Variants in SPEN observed in about 807,000 individuals in gnomAD.
The protein encoded by SPEN is spen family transcriptional repressor.
In SPEN, 18 loss-of-function variants were observed where a neutral mutation model predicts 269.9. The ratio of observed to expected loss-of-function variants is 0.07; its 90% CI spans 0.05 to 0.10. The LOEUF (loss-of-function observed/expected upper bound fraction) is 0.10. Ranked by LOEUF, SPEN falls within the 10% of genes least tolerant of loss-of-function variation. SPEN has a pLI of 1.00. For missense variants in SPEN, 3,822 were observed against 4,631.2 expected (o/e 0.83, Z 5.07); for synonymous variants, 1,726 against 1,765.7 (o/e 0.98, Z 0.56).
chr1:15,891,801 C>T (rs1238064848), intron 3 of SPEN, among the ~76,000 whole-genome samples: 1 of 150,710 alleles, frequency 6.6e-6, no homozygotes, highest in Non-Finnish European at 1.5e-5. Flanking sequence ...AATATAAAAA[C>T]CATTAAGAAA....
At position 15,935,716 on chromosome 1, in the gene SPEN, A is replaced by G. The variant is rs2071267926; in HGVS notation, c.9476A>G (p.Glu3159Gly). The part of the protein sequence containing the change: ...ALASQHPPEE[E>G]VHYHLPVARA... ...GCCTCCCAGCACCCTCCCGAGGAGG[A>G]AGTGCATTATCACCTTCCTGTCGCT... The change falls in exon 11 of 15, where the codon GAA becomes GGA. Residue 3159 changes from glutamate (E) to glycine (G), a missense_variant. Glu to Gly is a moderately conservative substitution (Grantham distance 98). Around this residue, in one of 16 missense-constraint regions of SPEN, gnomAD observed 153 missense variants for 228.5 expected, o/e 0.67. Transcript: ENST00000375759. The surrounding 1 kb of genome is among the most constrained non-coding windows in gnomAD (Gnocchi z 7.7). 1 of 1,613,208 alleles carries G rather than the reference A, an allele frequency of 6.2e-7. No homozygotes were observed. The highest frequency in any genetic ancestry group is 1.1e-5 in the South Asian group (1 of 91,056).
intron 1 of SPEN, among the ~76,000 whole-genome samples, chr1:15,860,157 C>T (rs991696767): frequency 5.3e-5 from 8 of 151,688 alleles, no homozygotes; most frequent in South Asian, 4.2e-4. Context: ...GTGATCCGCC[C>T]GCCTCGGCCT....
rs1044226392 is a variant in SPEN at position 15,939,147 on chromosome 1, T to C, written c.10864-149T>C. The C allele has an allele frequency of 6.9e-6, 8 of 1,161,158 alleles. No individual in the cohort carries two copies. The African/African-American group carries it at 1.3e-4, about 18-fold the overall frequency. The allele number at this position is 1,161,158 out of a possible 1,614,324, so 71.9% of individuals were successfully genotyped here. On this transcript the variant is annotated intron_variant, in intron 14 of 14. Coordinates refer to ENST00000375759, the MANE Select transcript of SPEN (RefSeq NM_015001.3). This position sits in a 1 kb window ranked among gnomAD's most constrained non-coding sequence, Gnocchi z 4.1. ...ATAGTTTTCTGACACCTGCTAGGTC[T>C]TCCAGTAGACATAGTCCTGGCACAT...
chr1:15,872,599 CAAA>C (rs78554897), intron 1 of SPEN, among the ~76,000 whole-genome samples: 3 of 92,548 alleles, frequency 3.2e-5, no homozygotes, highest in Non-Finnish European at 4.2e-5. Context: ...GACTCCATCT[CAAA>C]AAAAAAAAAA....
chr1:15,934,427 G>GAGTGCAGTGAATGCCACAGCA lies in SPEN; in HGVS notation c.8198_8218dup (p.Asn2733_Val2739dup), dbSNP rs777677761. On this transcript the variant is annotated inframe_insertion, in exon 11 of 15. Coordinates refer to ENST00000375759, the MANE Select transcript of SPEN (RefSeq NM_015001.3). This position sits in a 1 kb window ranked among gnomAD's most constrained non-coding sequence, Gnocchi z 9.2. ...CCCCAGGCACAGTCAATGCCGCTGC[G>GAGTGCAGTGAATGCCACAGCA]AGTGCAGTGAATGCCACAGCAAGTG... is the stretch of plus-strand genomic sequence containing the variant. 6.2e-7 allele frequency: 1 copy of GAGTGCAGTGAATGCCACAGCA among 1,613,914 alleles called. No individual in the cohort carries two copies. Among genetic ancestry groups the GAGTGCAGTGAATGCCACAGCA allele is most frequent in the South Asian group, 1.1e-5 (1 of 91,086 alleles).
Position 15,934,802 on chromosome 1 carries a change from C to T in SPEN, c.8562C>T (p.Ser2854=), listed in dbSNP as rs1386901105. ...AATTTCAGCAGTCAGTGTCCAAGTC[C>T]CAGGTCAAACCTGATTCTGTCACAG... The part of the protein sequence containing the change: ...DIEFQQSVSK[S]QVKPDSVTAS... Residue 2854 remains serine (S), a synonymous_variant, in exon 11 of 15, where the codon TCC becomes TCT. Coordinates refer to ENST00000375759, the MANE Select transcript of SPEN (RefSeq NM_015001.3). The surrounding 1 kb of genome is among the most constrained non-coding windows in gnomAD (Gnocchi z 9.2). 1.2e-6 allele frequency: 2 copies of T among 1,614,066 alleles called. No individual in the cohort carries two copies. Among genetic ancestry groups the T allele is most frequent in the Non-Finnish European group, 1.7e-6 (2 of 1,180,032 alleles).
rs188682612 is a variant in SPEN at position 15,893,377 on chromosome 1, G to A, written c.882-15944G>A. Among the ~76,000 whole-genome samples the A allele has an allele frequency of 5.6e-4, 86 of 152,286 alleles. 1 individual carries two copies. The highest frequency in any genetic ancestry group is 3.7e-4 in the Non-Finnish European group (25 of 68,018). On this transcript the variant is annotated intron_variant, in intron 3 of 14. Coordinates refer to ENST00000375759, the MANE Select transcript of SPEN (RefSeq NM_015001.3). ...AGCTTCCTGAATATGCTGTGTCATG[G>A]TGTGTGGAGCCATCTTGGACTGTAG...
In SPEN at chr1:15,919,060, A is replaced by G. The variant is rs1459707125; in HGVS notation, c.1521+9A>G. 6 of 1,603,770 alleles carry G rather than the reference A, an allele frequency of 3.7e-6. No homozygotes were observed. In the East Asian group the frequency reaches 9.0e-5, roughly 24 times the overall value. ...GAAATAATCGCCTCAAGGTAAATGA[A>G]TTTGCATAAATTATTGTGCTGTTAT... is the stretch of plus-strand genomic sequence containing the variant. On this transcript the variant is annotated intron_variant, in intron 7 of 14. Coordinates refer to ENST00000375759, the MANE Select transcript of SPEN (RefSeq NM_015001.3).
chr1:15,933,510 A>C lies in SPEN; in HGVS notation c.7270A>C (p.Lys2424Gln). The C allele has an allele frequency of 5.6e-6, 9 of 1,614,006 alleles. No individual in the cohort carries two copies. Among genetic ancestry groups the C allele is most frequent in the Non-Finnish European group, 7.6e-6 (9 of 1,179,956 alleles). ...CAGTGTTGAGGAAAGGACTCCAACC[A>C]AAGCATCTGTGCCCCCAGACCTTCC... is the stretch of plus-strand genomic sequence containing the variant. The part of the protein sequence containing the change: ...EISVEERTPT[K>Q]ASVPPDLPPP... Residue 2424 changes from lysine (K) to glutamine (Q), a missense_variant, in exon 11 of 15, where the codon AAA becomes CAA. Transcript: ENST00000375759. This position sits in a 1 kb window ranked among gnomAD's most constrained non-coding sequence, Gnocchi z 5.7.
chr1:15,884,739 CTTT>C (rs33965389), intron 3 of SPEN, among the ~76,000 whole-genome samples: 1 of 145,760 alleles, frequency 6.9e-6, no homozygotes, highest in Admixed American at 6.9e-5. Flanking sequence ...CTTTTTCTTT[CTTT>C]TTTTTTTTTA....
chr1:15,901,048 T>TA lies in SPEN; in HGVS notation c.882-8263dup, dbSNP rs1017104373. On this transcript the variant is annotated intron_variant, in intron 3 of 14. Coordinates refer to ENST00000375759, the MANE Select transcript of SPEN (RefSeq NM_015001.3). ...ATTATTTCCTTGTTATTTTTTGGAG[T>TA]AAAAAAAAAATAGAGGCTTGAGTCA... is the stretch of plus-strand genomic sequence containing the variant. 1.3e-4 allele frequency among the ~76,000 whole-genome samples: 19 copies of TA among 146,934 alleles called. 1 individual carries two copies. The highest frequency in any genetic ancestry group is 4.2e-4 in the African/African-American group (17 of 40,008).
At chr1:15,889,070 C>T (rs2070764937) in intron 3 of SPEN, among the ~76,000 whole-genome samples, 1 of 151,886 alleles carries the variant, frequency 6.6e-6, no homozygotes, top group Admixed American at 6.6e-5. Context: ...TACCTTGCCC[C>T]AAACAAGGAA....
intron 3 of SPEN, among the ~76,000 whole-genome samples, chr1:15,907,359 G>A (rs2070969233): frequency 1.3e-5 from 2 of 152,012 alleles, no homozygotes; most frequent in South Asian, 4.1e-4. Context: ...GTGCGTGCCT[G>A]TAATCCCAGC....
At chr1:15,872,408 C>T (rs920945011) in intron 1 of SPEN, among the ~76,000 whole-genome samples, 3 of 151,754 alleles carry the variant, frequency 2.0e-5, no homozygotes, top group East Asian at 1.9e-4. Context: ...CTGGCTAACA[C>T]GGTGAAACCC....
At position 15,873,355 on chromosome 1, in the gene SPEN, T is replaced by G. The variant is rs1266764012; in HGVS notation, c.404+219T>G. On this transcript the variant is annotated intron_variant, in intron 2 of 14. Transcript: ENST00000375759. Reference sequence around the variant, plus strand: ...TGATTGGATATCTGTTCCTGAGATATAATGTGATGGAAGATTTCCTATGGA... The same window carrying G: ...TGATTGGATATCTGTTCCTGAGATAGAATGTGATGGAAGATTTCCTATGGA... The G allele has an allele frequency of 3.2e-6, 4 of 1,249,144 alleles. No homozygotes were observed. The East Asian group carries it at 1.2e-4, about 39-fold the overall frequency. 77.4% of individuals were successfully genotyped at this position (1,249,144 alleles called of 1,614,324 possible).
intron 2 of SPEN, among the ~76,000 whole-genome samples, chr1:15,875,987 A>G (rs980567241): frequency 6.6e-6 from 1 of 152,248 alleles, no homozygotes; most frequent in Non-Finnish European, 1.5e-5. Context: ...AGCCCAATAT[A>G]CAATGAAAAC....
chr1:15,936,317 G>C, intron 11 of SPEN, 51 bp downstream of exon 11: 1 of 1,490,870 alleles, frequency 6.7e-7, no homozygotes, highest in Admixed American at 2.3e-5. Context: ...TGCTTGTGGG[G>C]CTCAGCAGGC....
In SPEN at chr1:15,931,990, G is replaced by A. The variant is rs780910569; in HGVS notation, c.5750G>A (p.Arg1917His). Residue 1917 changes from arginine (R) to histidine (H), a missense_variant, in exon 11 of 15, where the codon CGC (arginine) becomes CAC (histidine). By Grantham distance (29) the Arg-to-His change is conservative. Transcript: ENST00000375759. The surrounding 1 kb of genome is among the most constrained non-coding windows in gnomAD (Gnocchi z 4.8). ...VYATMGDHENRSPVKEPVEQP... is the reference protein window; with the variant it reads ...VYATMGDHENHSPVKEPVEQP... ...GCAACCATGGGTGACCATGAAAACC[G>A]CTCTCCTGTCAAAGAGCCCGTTGAG... 21 of 1,614,190 alleles carry A rather than the reference G, an allele frequency of 1.3e-5. No individual in the cohort carries two copies. In the Admixed American group the frequency reaches 1.7e-4, roughly 13 times the overall value.
At chr1:15,903,693 A>C (rs2070924989) in intron 3 of SPEN, among the ~76,000 whole-genome samples, 1 of 152,020 alleles carries the variant, frequency 6.6e-6, no homozygotes, top group African/African-American at 2.4e-5. Context: ...GGGTCTTGCC[A>C]TGTCATGTGC....
Sources: gnomAD v4.1 joint callset for allele counts (sites outside exome capture counted in the v4.1 genomes callset) on GRCh38, gnomAD v4.1.1 for gene constraint, gnomAD v4.1.1 regional missense constraint, Gnocchi (gnomAD v3.1) non-coding constraint, MANE v1.5 for transcripts, NCBI Gene and HGNC (gene_info 2026-07-23, HGNC 2026-07-21) for gene names.